The following NXN variants were observed in gnomAD, a reference collection of about 807,000 sequenced individuals.
NXN encodes the protein nucleoredoxin 1.
NXN carries 16 observed loss-of-function variants against 48.6 expected under a neutral mutation model. That is an observed-to-expected ratio of 0.33 (90% CI 0.22 to 0.50). The LOEUF (loss-of-function observed/expected upper bound fraction) is 0.50. Among genes scored for constraint, NXN ranks in the 20% least tolerant of loss-of-function variants. The pLI is 0.98. For synonymous variants in NXN, 281 were observed against 269.6 expected, an observed-to-expected ratio of 1.04 and a Z score of -0.41; for missense variants, 492 against 605.5, an observed-to-expected ratio of 0.81 and a Z score of 1.97.
At chr17:873,424 G>GA (rs1447897586) in intron 1 of NXN, among the ~76,000 whole-genome samples, 1 of 148,616 alleles carries the variant, frequency 6.7e-6, no homozygotes, top group East Asian at 2.0e-4. Context: ...TTGAACCCAG[G>GA]AGACGGAGGT....
chr17:893,290 G>A lies in NXN; in HGVS notation c.361-67212C>T, dbSNP rs186034428. ...ATGGGTTGTGGACACTCCTCTGGGGGATAATCTTTTTAGGGGAGAAAGCAT... is the reference window on the plus strand; with the variant it reads ...ATGGGTTGTGGACACTCCTCTGGGGAATAATCTTTTTAGGGGAGAAAGCAT... On this transcript the variant is annotated intron_variant, in intron 1 of 7. Transcript: ENST00000336868. 9.8e-5 allele frequency among the ~76,000 whole-genome samples: 15 copies of A among 152,328 alleles called. No homozygotes were observed. In the East Asian group the frequency reaches 1.5e-3, roughly 16 times the overall value.
intron 1 of NXN, among the ~76,000 whole-genome samples, chr17:866,761 A>C (rs2068099510): frequency 6.6e-6 from 1 of 152,234 alleles, no homozygotes; most frequent in Admixed American, 6.5e-5. Flanking sequence ...TTTTAACTGA[A>C]TCAGCAATTA....
intron 1 of NXN, among the ~76,000 whole-genome samples, chr17:895,584 G>C (rs12950617): frequency 6.7e-6 from 1 of 150,180 alleles, no homozygotes; most frequent in Admixed American, 6.6e-5. Flanking sequence ...AGGTCGAGGT[G>C]GGCGGATCAC....
intron 1 of NXN, among the ~76,000 whole-genome samples, chr17:938,049 G>C (rs1286695975): frequency 2.0e-5 from 3 of 152,244 alleles, no homozygotes; most frequent in Non-Finnish European, 4.4e-5. Context: ...CTGCAGCTGG[G>C]ACCACATTTG....
At chr17:820,011 C>T (rs895602664) in intron 4 of NXN, among the ~76,000 whole-genome samples, 6 of 152,200 alleles carry the variant, frequency 3.9e-5, no homozygotes, top group South Asian at 2.1e-4. Context: ...GCGGCAGAAG[C>T]GGATCAGGGG....
intron 1 of NXN, among the ~76,000 whole-genome samples, chr17:914,983 G>C (rs1027500719): frequency 6.6e-6 from 1 of 152,098 alleles, no homozygotes; most frequent in Non-Finnish European, 1.5e-5. Flanking sequence ...TCGCCAGGCT[G>C]GAGTGCAGTG....
Position 838,384 on chromosome 17 carries a change from G to A in NXN, c.361-12306C>T, listed in dbSNP as rs559773375. ...TGACCTCAGGTGATCCGCCCACCTC[G>A]GCCTCCCCAGAAGCTGGGATTACAG... is the stretch of plus-strand genomic sequence containing the variant. On this transcript the variant is annotated intron_variant, in intron 1 of 7. Coordinates refer to ENST00000336868, the MANE Select transcript of NXN (RefSeq NM_022463.5). 3.3e-3 allele frequency among the ~76,000 whole-genome samples: 508 copies of A among 152,028 alleles called. 5 individuals carry two copies. The highest frequency in any genetic ancestry group is 0.011 in the African/African-American group (469 of 41,470).
At chr17:873,493 C>CAAAAAAAAAAAAAAAAAAAAAAAAAAAAA (rs71145783) in intron 1 of NXN, among the ~76,000 whole-genome samples, 2 of 74,982 alleles carry the variant, frequency 2.7e-5, no homozygotes, top group African/African-American at 9.9e-5. Context: ...ACACTGTCTC[C>CAAAAAAAAAAAAAAAAAAAAAAAAAAAAA]AAAAAAAAAA....
intron 1 of NXN, among the ~76,000 whole-genome samples, chr17:875,224 G>T (rs1208524167): frequency 1.3e-5 from 2 of 151,974 alleles, no homozygotes; most frequent in East Asian, 1.9e-4. Context: ...CAGAGACAGG[G>T]TTTCACCATG....
intron 7 of NXN, among the ~76,000 whole-genome samples, chr17:801,361 G>A (rs1387940158): frequency 1.3e-5 from 2 of 151,546 alleles, no homozygotes; most frequent in African/African-American, 2.4e-5. Context: ...CACTAGGTAA[G>A]TCGTCTGTAT....
chr17:832,680 T>C (rs1488802442), intron 1 of NXN, among the ~76,000 whole-genome samples: 1 of 152,118 alleles, frequency 6.6e-6, no homozygotes, highest in East Asian at 1.9e-4. Flanking sequence ...CAGACATGTC[T>C]TTCCTCTCGG....
intron 1 of NXN, among the ~76,000 whole-genome samples, chr17:902,149 A>G (rs1486256391): frequency 6.6e-6 from 1 of 152,176 alleles, no homozygotes; most frequent in Non-Finnish European, 1.5e-5. Flanking sequence ...TGAACCTGAT[A>G]CCAGGGAACA....
Position 903,739 on chromosome 17 carries a change from G to T in NXN, c.360+75580C>A, listed in dbSNP as rs536815059. ...TTAGTACCCACGACAACCCTTTGAG[G>T]TATTATTATCCCCATTTTCCAGATA... On this transcript the variant is annotated intron_variant, in intron 1 of 7. Coordinates refer to ENST00000336868, the MANE Select transcript of NXN (RefSeq NM_022463.5). Among the ~76,000 whole-genome samples the T allele has an allele frequency of 5.9e-5, 9 of 152,268 alleles. No homozygotes were observed. In the East Asian group the frequency reaches 7.7e-4, roughly 13 times the overall value.
chr17:964,445 C>A (rs2069278653), intron 1 of NXN, among the ~76,000 whole-genome samples: 1 of 152,164 alleles, frequency 6.6e-6, no homozygotes, highest in South Asian at 2.1e-4. Context: ...TTCCGCAAAT[C>A]CAAATGAAAG....
chr17:965,186 C>A (rs2150633237), intron 1 of NXN, among the ~76,000 whole-genome samples: 1 of 152,280 alleles, frequency 6.6e-6, no homozygotes, highest in African/African-American at 2.4e-5. Flanking sequence ...CAGATTACAT[C>A]CAAGAGGGAG....
At chr17:822,837 C>T (rs138241694) in intron 3 of NXN, among the ~76,000 whole-genome samples, 69 of 152,322 alleles carry the variant, frequency 4.5e-4, no homozygotes, top group African/African-American at 1.4e-3. Context: ...CAGTGGCTCA[C>T]GCCTGTCACC....
Position 939,011 on chromosome 17 carries a change from C to T in NXN, c.360+40308G>A, listed in dbSNP as rs534170355. On this transcript the variant is annotated intron_variant, in intron 1 of 7. Transcript: ENST00000336868. ...AGACTGCAGTGAGCCAAGATCTCAC[C>T]GCTGCACTCCAGCCTGGGCGACAAG... 1.2e-4 allele frequency among the ~76,000 whole-genome samples: 18 copies of T among 151,512 alleles called. 1 individual carries two copies. Among genetic ancestry groups the T allele is most frequent in the East Asian group, 3.9e-4 (2 of 5,104 alleles).
chr17:828,775 G>C (rs1174383344), intron 1 of NXN, among the ~76,000 whole-genome samples: 1 of 152,090 alleles, frequency 6.6e-6, no homozygotes, highest in Non-Finnish European at 1.5e-5. Context: ...ATCCTTAAGA[G>C]GTTCAACAAC....
intron 5 of NXN, among the ~76,000 whole-genome samples, chr17:808,323 G>A (rs1382384903): frequency 9.5e-6 from 1 of 105,468 alleles, no homozygotes; most frequent in Non-Finnish European, 2.0e-5. Flanking sequence ...TTTTTTTTTA[G>A]ACGCAGTCTC....
Sources: allele counts gnomAD v4.1 joint callset (sites outside exome capture counted in the v4.1 genomes callset), GRCh38; gene constraint gnomAD v4.1.1; transcripts MANE v1.5; gene names NCBI Gene and HGNC (gene_info 2026-07-23, HGNC 2026-07-21).